EPHA6: variants seen among roughly 807,000 people sequenced by gnomAD.
The protein encoded by EPHA6 is EPH receptor A6.
In EPHA6, 50 loss-of-function variants were observed where a neutral mutation model predicts 112.0. The observed-to-expected ratio is 0.45, with a 90% CI of 0.36 to 0.56. The LOEUF (loss-of-function observed/expected upper bound fraction) is 0.56. Ranked by LOEUF, EPHA6 falls within the 20% of genes least tolerant of loss-of-function variation. The pLI is 0.00. For synonymous variants in EPHA6, 529 were observed against 490.7 expected, an observed-to-expected ratio of 1.08 and a Z score of -1.03; for missense variants, 1,280 against 1,417.4, an observed-to-expected ratio of 0.90 and a Z score of 1.56.
chr3:97,495,778 T>C (rs1377286809), intron 10 of EPHA6, among the ~76,000 whole-genome samples: 1 of 152,188 alleles, frequency 6.6e-6, no homozygotes, highest in Non-Finnish European at 1.5e-5. Flanking sequence ...AATTGTTTTT[T>C]CATTATTGGA....
At chr3:97,590,608 T>C (rs1468434638) in intron 11 of EPHA6, among the ~76,000 whole-genome samples, 1 of 152,236 alleles carries the variant, frequency 6.6e-6, no homozygotes, top group African/African-American at 2.4e-5. Flanking sequence ...ATTTTTTCTT[T>C]GCTCTTCATG....
intron 3 of EPHA6, among the ~76,000 whole-genome samples, chr3:97,178,333 T>G (rs2076894915): frequency 6.6e-6 from 1 of 152,128 alleles, no homozygotes; most frequent in South Asian, 2.1e-4. Context: ...TAGTTATTGT[T>G]TTTGATTAGT....
At chr3:97,736,343 C>G (rs972073251) in intron 16 of EPHA6, among the ~76,000 whole-genome samples, 2 of 151,934 alleles carry the variant, frequency 1.3e-5, no homozygotes, top group African/African-American at 4.8e-5. Context: ...CCTTTTCTCT[C>G]TCTCCAATCT....
rs72933410 is a variant in EPHA6, at chr3:96,862,125, T to C, written c.386-4700T>C. ...ACAGTATTATATTTAAATGGACTGC[T>C]TCTAAAATGTAACGTATAAAGATAC... On this transcript the variant is annotated intron_variant, in intron 1 of 17. Transcript: ENST00000389672. 5.3e-3 allele frequency among the ~76,000 whole-genome samples: 807 copies of C among 152,058 alleles called. 14 individuals carry two copies. Among genetic ancestry groups the C allele is most frequent in the Middle Eastern group, 0.017 (5 of 294 alleles).
intron 7 of EPHA6, among the ~76,000 whole-genome samples, chr3:97,464,406 A>G (rs1421434109): frequency 6.6e-6 from 1 of 152,138 alleles, no homozygotes; most frequent in Non-Finnish European, 1.5e-5. Context: ...TTCTACTTTC[A>G]TATCAATAGA....
At chr3:97,322,595 T>A (rs891092717) in intron 5 of EPHA6, among the ~76,000 whole-genome samples, 2 of 152,062 alleles carry the variant, frequency 1.3e-5, no homozygotes, top group African/African-American at 2.4e-5. Flanking sequence ...ATGATTTATA[T>A]CATTTATTAA....
intron 2 of EPHA6, among the ~76,000 whole-genome samples, chr3:96,877,760 C>T (rs1397303069): frequency 6.6e-6 from 1 of 151,816 alleles, no homozygotes; most frequent in Non-Finnish European, 1.5e-5. Context: ...TTTAGCAAAG[C>T]AAAACCTGTT....
In EPHA6 at chr3:96,965,303, G is replaced by A. The variant is rs73131567; in HGVS notation, c.451-22027G>A. ...GCCATATTTAGTTTGCTTTAACACC[G>A]TATAAGGCTTCTTACTTACCTACCT... On this transcript the variant is annotated intron_variant, in intron 2 of 17. Coordinates refer to ENST00000389672, the MANE Select transcript of EPHA6 (RefSeq NM_001080448.3). Among the ~76,000 whole-genome samples, 1,320 of 152,114 alleles carry A rather than the reference G, an allele frequency of 8.7e-3. 10 individuals are homozygous for A. Among genetic ancestry groups the A allele is most frequent in the Middle Eastern group, 0.027 (8 of 294 alleles).
intron 7 of EPHA6, chr3:97,466,396 T>C (rs375056241): frequency 3.1e-6 from 5 of 1,609,196 alleles, no homozygotes; most frequent in Non-Finnish European, 4.2e-6. Context: ...AATTATTTTC[T>C]CTTGGTTCAT....
intron 5 of EPHA6, among the ~76,000 whole-genome samples, chr3:97,373,224 C>A (rs888939634): frequency 6.6e-6 from 1 of 152,084 alleles, no homozygotes; most frequent in South Asian, 2.1e-4. Flanking sequence ...TTATATGAAG[C>A]AACTGTAATA....
chr3:97,479,823 T>C (rs1258354707), intron 9 of EPHA6, among the ~76,000 whole-genome samples: 1 of 152,216 alleles, frequency 6.6e-6, no homozygotes, highest in African/African-American at 2.4e-5. Flanking sequence ...AGAATATGTA[T>C]GAAATCCTTG....
rs556885818 is a variant in EPHA6, at chr3:97,506,060, T to G, written c.2200+22001T>G. ...TTTTTTTCTCGTAAATTTGTTTAAG[T>G]TCTTTGTAGATTCTGGATATTAGCT... On this transcript the variant is annotated intron_variant, in intron 10 of 17. Transcript: ENST00000389672. Among the ~76,000 whole-genome samples, 4 of 152,304 alleles carry G rather than the reference T, an allele frequency of 2.6e-5. No homozygotes were observed. The South Asian group carries it at 8.3e-4, about 32-fold the overall frequency.
At chr3:97,058,466 T>C (rs1430698097) in intron 3 of EPHA6, among the ~76,000 whole-genome samples, 1 of 152,104 alleles carries the variant, frequency 6.6e-6, no homozygotes, top group South Asian at 2.1e-4. Context: ...CGGCCCCAGC[T>C]AATTTTTGTA....
chr3:97,606,499 G>A (rs540746778), intron 12 of EPHA6, among the ~76,000 whole-genome samples: 2 of 151,272 alleles, frequency 1.3e-5, no homozygotes, highest in South Asian at 4.1e-4. Context: ...TTTCAAACCT[G>A]GATAACTAGA....
At chr3:97,119,760 T>G (rs1487522640) in intron 3 of EPHA6, among the ~76,000 whole-genome samples, 1 of 152,056 alleles carries the variant, frequency 6.6e-6, no homozygotes, top group Non-Finnish European at 1.5e-5. Context: ...CTCATGTTTT[T>G]GTATTATTTT....
rs1451936639 is a variant in EPHA6, at chr3:97,460,826, C to T, written c.1894+12096C>T. 2.0e-5 allele frequency among the ~76,000 whole-genome samples: 3 copies of T among 152,158 alleles called. No homozygotes were observed. The East Asian group carries it at 5.8e-4, about 29-fold the overall frequency. On this transcript the variant is annotated intron_variant, in intron 7 of 17. Transcript: ENST00000389672. ...CTACCACATGTCAAGTCAACAGCTG[C>T]ATCTTTCCATGGGCTTCCTGTACTC...
chr3:96,847,734 C>T (rs545343801), intron 1 of EPHA6, among the ~76,000 whole-genome samples: 145 of 151,970 alleles, frequency 9.5e-4, no homozygotes, highest in African/African-American at 2.7e-3. Context: ...TACTTTGGAA[C>T]GGTACAATTT....
intron 3 of EPHA6, among the ~76,000 whole-genome samples, chr3:97,165,623 A>G (rs2076523658): frequency 1.3e-5 from 2 of 152,042 alleles, no homozygotes; most frequent in Non-Finnish European, 2.9e-5. Context: ...AGTGGGACAG[A>G]CTAGAAGTGA....
At chr3:96,994,732 T>TATATATATATAGAGAGAGAG (rs1170197805) in intron 3 of EPHA6, among the ~76,000 whole-genome samples, 4 of 82,204 alleles carry the variant, frequency 4.9e-5, no homozygotes, top group African/African-American at 2.6e-4. Context: ...TATATATATA[T>TATATATATATAGAGAGAGAG]AGAGAGAGAG....
Sources: allele counts gnomAD v4.1 joint callset (sites outside exome capture counted in the v4.1 genomes callset), GRCh38; gene constraint gnomAD v4.1.1; transcripts MANE v1.5; gene names NCBI Gene and HGNC (gene_info 2026-07-23, HGNC 2026-07-21).